NLGN1: variants seen among roughly 807,000 people sequenced by gnomAD.
NLGN1 encodes the protein neuroligin-1.
Under a neutral mutation model 65.5 loss-of-function variants are expected in NLGN1, and 12 were observed. The ratio of observed to expected loss-of-function variants is 0.18; its 90% CI spans 0.12 to 0.30. NLGN1 has a LOEUF of 0.30. Among genes scored for constraint, NLGN1 ranks in the 10% least tolerant of loss-of-function variants. The pLI, the probability that NLGN1 is intolerant of heterozygous loss-of-function variation, is 1.00. For synonymous variants in NLGN1, 350 were observed against 359.5 expected (o/e 0.97, Z 0.30); for missense variants, 750 against 1,007.1 (o/e 0.74, Z 3.46).
chr3:173,801,541 A>C (rs57063692), intron 3 of NLGN1, among the ~76,000 whole-genome samples: 4,583 of 152,134 alleles, frequency 0.03, 167 homozygotes, highest in East Asian at 0.18. Flanking sequence ...CCTTATTTGC[A>C]TTGACATATA....
intron 3 of NLGN1, among the ~76,000 whole-genome samples, chr3:173,803,915 A>T (rs1188955121): frequency 2.6e-5 from 4 of 152,188 alleles, no homozygotes. Flanking sequence ...TGGGCAATTA[A>T]ATACTTCATG....
At chr3:173,601,994 G>A (rs1251735068) in intron 2 of NLGN1, among the ~76,000 whole-genome samples, 1 of 152,014 alleles carries the variant, frequency 6.6e-6, no homozygotes, top group African/African-American at 2.4e-5. Flanking sequence ...ATTGTGAATT[G>A]AGGGACTGTA....
intron 3 of NLGN1, among the ~76,000 whole-genome samples, chr3:173,786,571 A>G (rs559895837): frequency 6.6e-6 from 1 of 152,126 alleles, no homozygotes; most frequent in African/African-American, 2.4e-5. Flanking sequence ...CACACACAAA[A>G]CCCATATACA....
At chr3:173,948,037 T>C (rs375548366) in intron 4 of NLGN1, among the ~76,000 whole-genome samples, 1 of 152,192 alleles carries the variant, frequency 6.6e-6, no homozygotes, top group African/African-American at 2.4e-5. Flanking sequence ...TGAAGATGAG[T>C]GTCTGTTTTC....
At chr3:173,575,206 A>G (rs1163808726) in intron 2 of NLGN1, among the ~76,000 whole-genome samples, 1 of 152,062 alleles carries the variant, frequency 6.6e-6, no homozygotes, top group Non-Finnish European at 1.5e-5. Context: ...AAAAATAAAA[A>G]ATAAAAAAAT....
intron 4 of NLGN1, among the ~76,000 whole-genome samples, chr3:173,860,760 C>G (rs1453398834): frequency 6.6e-6 from 1 of 152,154 alleles, no homozygotes; most frequent in Non-Finnish European, 1.5e-5. Context: ...GTTAATTCAT[C>G]ATAACCTTAT....
At chr3:173,976,897 A>G (rs1717591624) in intron 4 of NLGN1, among the ~76,000 whole-genome samples, 1 of 152,066 alleles carries the variant, frequency 6.6e-6, no homozygotes, top group Non-Finnish European at 1.5e-5. Context: ...ACTGACTTGT[A>G]TCTAGGTTCA....
intron 2 of NLGN1, among the ~76,000 whole-genome samples, chr3:173,443,308 T>TTATATATATAC (rs1719553160): frequency 1.6e-5 from 1 of 64,306 alleles, no homozygotes; most frequent in African/African-American, 3.8e-5. Context: ...AGTATATATA[T>TTATATATATAC]TATATATATA....
intron 4 of NLGN1, among the ~76,000 whole-genome samples, chr3:174,246,351 T>C (rs1283939281): frequency 6.6e-6 from 1 of 152,182 alleles, no homozygotes; most frequent in East Asian, 1.9e-4. Flanking sequence ...TCTATACACA[T>C]GCAAGATTTT....
chr3:173,732,361 A>G (rs548423922), intron 3 of NLGN1, among the ~76,000 whole-genome samples: 4 of 152,304 alleles, frequency 2.6e-5, no homozygotes, highest in Admixed American at 2.0e-4. Context: ...TTAAACAAAC[A>G]CTGTGATGCT....
chr3:173,575,544 A>C (rs981326715), intron 2 of NLGN1, among the ~76,000 whole-genome samples: 2 of 152,172 alleles, frequency 1.3e-5, no homozygotes, highest in Non-Finnish European at 2.9e-5. Context: ...CTATGAAGCA[A>C]TTGGAGCTGA....
intron 3 of NLGN1, among the ~76,000 whole-genome samples, chr3:173,646,313 A>G (rs1337813512): frequency 6.6e-6 from 1 of 152,194 alleles, no homozygotes; most frequent in Non-Finnish European, 1.5e-5. Flanking sequence ...AGAAAGTAGG[A>G]CTAATCGTTT....
At chr3:174,289,965 A>ATG (rs1427145729), downstream of NLGN1, among the ~76,000 whole-genome samples, 175 of 108,246 alleles carry the variant, frequency 1.6e-3, no homozygotes, top group African/African-American at 5.2e-3. Context: ...GTATATATAT[A>ATG]TATGTATATA....
At chr3:173,645,366 A>T (rs1758086149) in intron 3 of NLGN1, among the ~76,000 whole-genome samples, 1 of 152,010 alleles carries the variant, frequency 6.6e-6, no homozygotes, top group Admixed American at 6.5e-5. Context: ...GGGCTTTTGG[A>T]GGTTTCAGTC....
chr3:173,543,460 A>G (rs62292669), intron 2 of NLGN1, among the ~76,000 whole-genome samples: 4,752 of 152,216 alleles, frequency 0.031, 94 homozygotes, highest in Non-Finnish European at 0.05. Context: ...TATACTTATG[A>G]GGATATACAC....
intron 4 of NLGN1, among the ~76,000 whole-genome samples, chr3:174,191,382 G>A (rs1732366511): frequency 6.6e-6 from 1 of 152,118 alleles, no homozygotes; most frequent in Admixed American, 6.6e-5. Context: ...TTATTTTTTA[G>A]TACATAGTAG....
chr3:174,167,326 G>A (rs375222394), intron 4 of NLGN1, among the ~76,000 whole-genome samples: 2 of 151,880 alleles, frequency 1.3e-5, no homozygotes, highest in African/African-American at 4.8e-5. Context: ...GTGGTAGCAG[G>A]TATCATTTAT....
chr3:173,791,699 C>G (rs1712802161), intron 3 of NLGN1, among the ~76,000 whole-genome samples: 1 of 151,928 alleles, frequency 6.6e-6, no homozygotes, highest in Admixed American at 6.6e-5. Context: ...ATGCTACACC[C>G]ACACCCAATT....
At chr3:173,768,269 G>A (rs188346838) in intron 3 of NLGN1, among the ~76,000 whole-genome samples, 54 of 152,272 alleles carry the variant, frequency 3.5e-4, no homozygotes, top group African/African-American at 1.3e-3. Context: ...TACTATGTGA[G>A]TTCAGAGACA....
Sources: gnomAD v4.1 joint callset for allele counts (sites outside exome capture counted in the v4.1 genomes callset) on GRCh38, gnomAD v4.1.1 for gene constraint, MANE v1.5 for transcripts, NCBI Gene and HGNC (gene_info 2026-07-23, HGNC 2026-07-21) for gene names.